The following MALRD1 variants were observed in gnomAD, a reference collection of about 807,000 sequenced individuals.
MALRD1 encodes the protein MAM and LDL-receptor class A domain-containing protein 1.
MALRD1 carries 247 observed loss-of-function variants against 242.1 expected under a neutral mutation model. The observed-to-expected ratio is 1.02, with a 90% CI of 0.92 to 1.13. The LOEUF (loss-of-function observed/expected upper bound fraction) is 1.13, where lower values mean the gene tolerates loss of function less well. Among genes scored for constraint, MALRD1 ranks in the 50% most tolerant of loss-of-function variants. The probability of loss-of-function intolerance (pLI) is 0.00; values close to 1 mark genes in which losing one functional copy is unlikely to be tolerated. For missense variants in MALRD1, 2,989 were observed against 2,533.1 expected, an observed-to-expected ratio of 1.18 and a Z score of -3.86; for synonymous variants, 995 against 866.6, an observed-to-expected ratio of 1.15 and a Z score of -2.60.
chr10:19,058,552 G>T (rs757544275), intron 1 of MALRD1, among the ~76,000 whole-genome samples: 16 of 152,098 alleles, frequency 1.1e-4, no homozygotes, highest in Admixed American at 3.3e-4. Flanking sequence ...AACTTTAAAA[G>T]TCAGTAAATT....
At chr10:19,333,908 C>A (rs571613310) in intron 24 of MALRD1, among the ~76,000 whole-genome samples, 1 of 151,938 alleles carries the variant, frequency 6.6e-6, no homozygotes, top group Non-Finnish European at 1.5e-5. Context: ...TGATACAGAG[C>A]ATTTCTTTCA....
intron 21 of MALRD1, among the ~76,000 whole-genome samples, chr10:19,291,956 C>T (rs1297414115): frequency 6.6e-6 from 1 of 151,190 alleles, no homozygotes; most frequent in African/African-American, 2.4e-5. Context: ...CGTGGTGGTG[C>T]GTGCCTGTAA....
intron 26 of MALRD1, among the ~76,000 whole-genome samples, chr10:19,355,435 T>C (rs765097327): frequency 6.6e-6 from 1 of 151,744 alleles, no homozygotes; most frequent in Non-Finnish European, 1.5e-5. Context: ...TTTATTACAT[T>C]AAAATAAAAA....
At chr10:19,115,333 C>G (rs1564401121) in intron 5 of MALRD1, among the ~76,000 whole-genome samples, 1 of 152,098 alleles carries the variant, frequency 6.6e-6, no homozygotes, top group Non-Finnish European at 1.5e-5. Flanking sequence ...GAGGTCTATA[C>G]TCTGGGTGAC....
chr10:19,486,212 C>A (rs998397626), intron 29 of MALRD1, among the ~76,000 whole-genome samples: 1 of 152,172 alleles, frequency 6.6e-6, no homozygotes, highest in African/African-American at 2.4e-5. Flanking sequence ...TGTCAATCTG[C>A]ATTTTCAGAA....
chr10:19,392,152 G>C (rs1846366611), intron 28 of MALRD1, among the ~76,000 whole-genome samples: 1 of 152,110 alleles, frequency 6.6e-6, no homozygotes, highest in Admixed American at 6.5e-5. Flanking sequence ...GTCATTTATA[G>C]AACACCATCA....
rs947322733 is a variant in MALRD1, at chr10:19,450,402, T to C, written c.4941T>C (p.Asn1647=). Residue 1647 remains asparagine, a synonymous_variant, in exon 29 of 40, where the codon AAT becomes AAC. Coordinates refer to ENST00000454679, the MANE Select transcript of MALRD1 (RefSeq NM_001142308.3). The stretch of plus-strand genomic sequence containing the variant: ...ACATCCTGCTAGGAAAGTTAAGGAA[T>C]TTTGAAGTCATATTTCAAGGTATCA... ...KADILLGKLR[N]FEVIFQGIRT... 14 of 1,550,498 alleles carry C rather than the reference T, an allele frequency of 9.0e-6. No individual in the cohort carries two copies. Among genetic ancestry groups the C allele is most frequent in the Non-Finnish European group, 1.2e-5 (14 of 1,146,960 alleles).
intron 21 of MALRD1, among the ~76,000 whole-genome samples, chr10:19,288,606 A>G (rs928042204): frequency 6.6e-6 from 1 of 151,640 alleles, no homozygotes; most frequent in East Asian, 1.9e-4. Flanking sequence ...TTATTTTGGT[A>G]TCTTCTCTTT....
At chr10:19,528,416 A>G (rs1458282389) in intron 31 of MALRD1, among the ~76,000 whole-genome samples, 3 of 152,090 alleles carry the variant, frequency 2.0e-5, no homozygotes, top group African/African-American at 7.2e-5. Flanking sequence ...AACATGGTGA[A>G]ACCCCATCTC....
chr10:19,624,189 T>A (rs1465681256), intron 36 of MALRD1, among the ~76,000 whole-genome samples: 2 of 152,128 alleles, frequency 1.3e-5, no homozygotes, highest in African/African-American at 4.8e-5. Context: ...GTTCTAACAC[T>A]GTGAAAATAC....
intron 21 of MALRD1, among the ~76,000 whole-genome samples, chr10:19,284,116 C>T (rs1302212169): frequency 6.6e-6 from 1 of 152,186 alleles, no homozygotes; most frequent in East Asian, 1.9e-4. Context: ...ATAAGAAGAG[C>T]AGACTACATA....
intron 38 of MALRD1, chr10:19,716,765 C>G (rs985500456): frequency 6.6e-6 from 1 of 152,126 alleles, no homozygotes; most frequent in Non-Finnish European, 1.5e-5. Context: ...TAAAAATTCA[C>G]TGGTCTATTT....
intron 14 of MALRD1, among the ~76,000 whole-genome samples, chr10:19,176,850 G>A (rs1588657016): frequency 7.7e-6 from 1 of 129,102 alleles, no homozygotes; most frequent in African/African-American, 2.6e-5. Context: ...GTGTGTCTGT[G>A]TGTGTGCGTG....
intron 33 of MALRD1, among the ~76,000 whole-genome samples, chr10:19,586,330 C>T (rs889717250): frequency 3.4e-4 from 52 of 152,268 alleles, no homozygotes; most frequent in African/African-American, 1.1e-3. Context: ...AGTTTTTCTG[C>T]TCTGTTTTTT....
At chr10:19,170,274 C>G (rs1473286920) in intron 13 of MALRD1, among the ~76,000 whole-genome samples, 1 of 152,132 alleles carries the variant, frequency 6.6e-6, no homozygotes, top group Non-Finnish European at 1.5e-5. Context: ...GCTTTTCACA[C>G]TAATAGATTC....
At chr10:19,329,237 A>G (rs1843259687) in intron 23 of MALRD1, among the ~76,000 whole-genome samples, 1 of 152,202 alleles carries the variant, frequency 6.6e-6, no homozygotes, top group African/African-American at 2.4e-5. Flanking sequence ...TGCACCATGC[A>G]CGAGAGAGAC....
At chr10:19,240,149 G>T (rs534411338) in intron 18 of MALRD1, among the ~76,000 whole-genome samples, 1 of 151,924 alleles carries the variant, frequency 6.6e-6, no homozygotes, top group Non-Finnish European at 1.5e-5. Context: ...TCCATTTTTT[G>T]TGTATCGTAA....
intron 26 of MALRD1, among the ~76,000 whole-genome samples, chr10:19,375,279 C>T (rs958557189): frequency 2.0e-5 from 3 of 152,136 alleles, no homozygotes; most frequent in Admixed American, 6.5e-5. Context: ...TTTCTCAATA[C>T]ATGCCAAGGT....
intron 13 of MALRD1, among the ~76,000 whole-genome samples, chr10:19,166,154 CTT>C (rs1834677524): frequency 6.6e-6 from 1 of 152,162 alleles, no homozygotes; most frequent in South Asian, 2.1e-4. Context: ...AGAAGAGTAA[CTT>C]AAAATCATTT....
Sources: gnomAD v4.1 joint callset for allele counts (sites outside exome capture counted in the v4.1 genomes callset) on GRCh38, gnomAD v4.1.1 for gene constraint, MANE v1.5 for transcripts, NCBI Gene and HGNC (gene_info 2026-07-23, HGNC 2026-07-21) for gene names.